GFRAL: variants seen among roughly 807,000 people sequenced by gnomAD.
GFRAL encodes the protein GDNF family receptor alpha like.
Under a neutral mutation model 45.4 loss-of-function variants are expected in GFRAL, and 36 were observed. That is an observed-to-expected ratio of 0.79 (90% confidence interval 0.61 to 1.05). The LOEUF (loss-of-function observed/expected upper bound fraction) is 1.05, where lower values mean the gene tolerates loss of function less well. Ranked by LOEUF, GFRAL falls within the 50% of genes least tolerant of loss-of-function variation. The probability of loss-of-function intolerance (pLI) is 0.00; values close to 1 mark genes in which losing one functional copy is unlikely to be tolerated. For missense variants in GFRAL, 507 were observed against 467.5 expected, an observed-to-expected ratio of 1.08 and a Z score of -0.78; for synonymous variants, 166 against 154.1, an observed-to-expected ratio of 1.08 and a Z score of -0.57.
intron 6 of GFRAL, among the ~76,000 whole-genome samples, chr6:55,384,120 T>TG (rs1268405281): frequency 6.6e-6 from 1 of 151,840 alleles, no homozygotes; most frequent in Non-Finnish European, 1.5e-5. Context: ...TGGGGCCTGT[T>TG]GGGGGGTTGG....
intron 3 of GFRAL, among the ~76,000 whole-genome samples, chr6:55,341,685 C>A: frequency 6.6e-6 from 1 of 152,118 alleles, no homozygotes; most frequent in Non-Finnish European, 1.5e-5. Flanking sequence ...ATGACTTTGA[C>A]GAGTTCAGAG....
chr6:55,372,563 C>G (rs1324281604), intron 6 of GFRAL, among the ~76,000 whole-genome samples: 1 of 152,152 alleles, frequency 6.6e-6, no homozygotes, highest in Non-Finnish European at 1.5e-5. Context: ...CATAGGACCT[C>G]TAAGTCTTCC....
At chr6:55,352,755 C>T (rs1453451326) in intron 5 of GFRAL, among the ~76,000 whole-genome samples, 8 of 151,984 alleles carry the variant, frequency 5.3e-5, no homozygotes, top group African/African-American at 1.9e-4. Context: ...CACATGTATG[C>T]TATGACCATA....
rs183859841 is a variant in GFRAL, at chr6:55,359,168, A to G, written c.952+30A>G. The G allele has an allele frequency of 2.1e-5, 32 of 1,523,828 alleles. No homozygotes were observed. The East Asian group carries it at 2.3e-4, about 11-fold the overall frequency. The allele number at this position is 1,523,828 out of a possible 1,614,324, so 94.4% of individuals were successfully genotyped here. A position where few individuals can be genotyped will look rare whatever the true frequency, so the allele number is the denominator to read the frequency against. On this transcript the variant is annotated intron_variant, in intron 6 of 8. Transcript: ENST00000340465. ...GTTCCCCAAATAAAATTATCTGTCT[A>G]TCTATCTATCTATCTATCATCTATC...
intron 1 of GFRAL, among the ~76,000 whole-genome samples, chr6:55,329,566 A>G (rs1003487527): frequency 1.3e-5 from 2 of 152,126 alleles, no homozygotes; most frequent in African/African-American, 4.8e-5. Context: ...ACTGGATTTG[A>G]CCAAGTAAAT....
Position 55,331,780 on chromosome 6 carries a change from C to A in GFRAL, c.88C>A (p.Gln30Lys). Residue 30 changes from glutamine (Q) to lysine (K), a missense_variant, in exon 2 of 9, where the codon CAA becomes AAA. Coordinates refer to ENST00000340465, the MANE Select transcript of GFRAL (RefSeq NM_207410.2). ...CAATAATTGCACATATTTAAGAGAG[C>A]AATGCTTACGTGATGCAAATGGATG... ...QTNNCTYLRE[Q>K]CLRDANGCKH... is the part of the protein sequence containing the mutation. 1.9e-6 allele frequency: 3 copies of A among 1,610,892 alleles called. No individual in the cohort carries two copies. Among genetic ancestry groups the A allele is most frequent in the Non-Finnish European group, 2.5e-6 (3 of 1,178,320 alleles).
rs201118109 is a variant in GFRAL, at chr6:55,397,850, A to AT, written c.953-1330_953-1329insT. On this transcript the variant is annotated intron_variant, in intron 6 of 8. Coordinates refer to ENST00000340465, the MANE Select transcript of GFRAL (RefSeq NM_207410.2). ...ATTCTGGTCAATGACAGACAGACAG[A>AT]CTATACATCAGTGGTCCCATAAGAT... Among the ~76,000 whole-genome samples the AT allele has an allele frequency of 4.9e-3, 750 of 152,316 alleles. 5 individuals are homozygous for AT. The highest frequency in any genetic ancestry group is 0.017 in the African/African-American group (705 of 41,574).
At chr6:55,392,878 T>TA (rs1338765280) in intron 6 of GFRAL, among the ~76,000 whole-genome samples, 30 of 151,630 alleles carry the variant, frequency 2.0e-4, no homozygotes, top group African/African-American at 5.8e-4. Flanking sequence ...ACTTAAAAAT[T>TA]AAACAAAATA....
At chr6:55,358,311 C>A (rs965747804) in intron 5 of GFRAL, among the ~76,000 whole-genome samples, 7 of 151,674 alleles carry the variant, frequency 4.6e-5, no homozygotes, top group African/African-American at 1.7e-4. Context: ...TAAAAAAATT[C>A]AAAAATGAAA....
intron 8 of GFRAL, among the ~76,000 whole-genome samples, chr6:55,400,380 C>A (rs1188820847): frequency 6.6e-6 from 1 of 152,044 alleles, no homozygotes; most frequent in Non-Finnish European, 1.5e-5. Flanking sequence ...CATCTGACAC[C>A]TAGAAAGATT....
At chr6:55,385,284 A>G (rs1169505381) in intron 6 of GFRAL, among the ~76,000 whole-genome samples, 3 of 152,054 alleles carry the variant, frequency 2.0e-5, no homozygotes, top group African/African-American at 7.2e-5. Context: ...CATGGAGAAA[A>G]CTGAAGCTAT....
intron 3 of GFRAL, among the ~76,000 whole-genome samples, chr6:55,336,419 C>G (rs1196703298): frequency 1.3e-5 from 2 of 152,122 alleles, no homozygotes; most frequent in Non-Finnish European, 2.9e-5. Context: ...TGATGTAGTT[C>G]ATCAGTATTT....
In GFRAL at chr6:55,351,377, A is replaced by G. The variant is rs748448067; in HGVS notation, c.495A>G (p.Lys165=). Reference sequence around the variant, plus strand: ...CAAATGGAAATCCGTGTGATCTGAAACAGTGCCAAGCAGCCATACGGTTCT... The same window carrying G: ...CAAATGGAAATCCGTGTGATCTGAAGCAGTGCCAAGCAGCCATACGGTTCT... ...CSANGNPCDL[K]QCQAAIRFFY... Residue 165 remains lysine, a synonymous_variant, in exon 5 of 9, where the codon AAA becomes AAG. Coordinates refer to ENST00000340465, the MANE Select transcript of GFRAL (RefSeq NM_207410.2). 6.2e-7 allele frequency: 1 copy of G among 1,613,726 alleles called. No individual in the cohort carries two copies. Among genetic ancestry groups the G allele is most frequent in the South Asian group, 1.1e-5 (1 of 91,082 alleles).
At chr6:55,392,608 C>G (rs905571939) in intron 6 of GFRAL, among the ~76,000 whole-genome samples, 8 of 152,144 alleles carry the variant, frequency 5.3e-5, no homozygotes, top group African/African-American at 1.9e-4. Flanking sequence ...ATCGCCCTCT[C>G]TAAGCAACAA....
chr6:55,399,508 C>G, intron 8 of GFRAL, 67 bp downstream of exon 8: 1 of 1,013,242 alleles, frequency 9.9e-7, no homozygotes, highest in South Asian at 1.3e-5. Flanking sequence ...AAGCATGTTG[C>G]ACAATGGCTG....
chr6:55,342,406 T>C (rs926532913), intron 3 of GFRAL, among the ~76,000 whole-genome samples: 2 of 152,004 alleles, frequency 1.3e-5, no homozygotes, highest in African/African-American at 2.4e-5. Flanking sequence ...AAACCAGAAT[T>C]TCATATCCAG....
chr6:55,370,939 G>A (rs1282969151), intron 6 of GFRAL, among the ~76,000 whole-genome samples: 1 of 152,096 alleles, frequency 6.6e-6, no homozygotes, highest in East Asian at 1.9e-4. Context: ...TCTTCTTAGG[G>A]GCAAGCAAGT....
chr6:55,354,405 T>C (rs1768160815), intron 5 of GFRAL, among the ~76,000 whole-genome samples: 1 of 152,050 alleles, frequency 6.6e-6, no homozygotes, highest in South Asian at 2.1e-4. Flanking sequence ...TTCCTCTCAC[T>C]TTTGAATATT....
At chr6:55,374,320 G>C (rs1157263387) in intron 6 of GFRAL, among the ~76,000 whole-genome samples, 1 of 151,946 alleles carries the variant, frequency 6.6e-6, no homozygotes, top group African/African-American at 2.4e-5. Flanking sequence ...TTGAGGAATT[G>C]CCACACTGTC....
Sources: gnomAD v4.1 joint callset for allele counts (sites outside exome capture counted in the v4.1 genomes callset) on GRCh38, gnomAD v4.1.1 for gene constraint, MANE v1.5 for transcripts, NCBI Gene and HGNC (gene_info 2026-07-23, HGNC 2026-07-21) for gene names.